The following NF1 variants were observed in gnomAD, a reference collection of about 807,000 sequenced individuals.
NF1 encodes the protein neurofibromin 1, also known as neurofibromin.
A neutral mutation model predicts 325.7 loss-of-function variants in NF1; 122 were observed. The observed-to-expected ratio is 0.37, with a 90% CI of 0.32 to 0.44. NF1 has a LOEUF of 0.44. Ranked by LOEUF, NF1 falls within the 20% of genes least tolerant of loss-of-function variation. NF1 has a pLI of 1.00. For synonymous variants in NF1, 1,091 were observed against 1,186.0 expected (o/e 0.92, Z 1.65); for missense variants, 2,140 against 3,415.4 (o/e 0.63, Z 9.31).
chr17:31,352,317 C>A lies in NF1; in HGVS notation c.7518C>A (p.Ala2506=). The A allele has an allele frequency of 2.5e-6, 4 of 1,614,088 alleles. 1 individual carries two copies. The South Asian group carries it at 4.4e-5, about 18-fold the overall frequency. ...AAGGTTCTGAAGGATACCTTGCAGC[C>A]ACCTATCCAACTGTCGGCCAGACCA... ...SPKGSEGYLA[A]TYPTVGQTSP... The change falls in exon 51 of 58, where the codon GCC becomes GCA. Residue 2506 remains alanine, a synonymous_variant. Transcript: ENST00000358273.
At chr17:31,190,535 T>G (rs954815419) in intron 8 of NF1, among the ~76,000 whole-genome samples, 12 of 152,240 alleles carry the variant, frequency 7.9e-5, no homozygotes, top group African/African-American at 1.2e-4. Flanking sequence ...CTTTCAGTAT[T>G]AGGTAACATT....
chr17:31,248,879 A>G, intron 29 of NF1, 105 bp from the exon 30 acceptor site: 1 of 1,043,386 alleles, frequency 9.6e-7, no homozygotes, highest in Non-Finnish European at 1.4e-6. Flanking sequence ...TGAAGTCTAC[A>G]CGTTGCACTT....
chr17:31,286,126 G>T (rs2068222534), intron 36 of NF1, among the ~76,000 whole-genome samples: 1 of 152,030 alleles, frequency 6.6e-6, no homozygotes, highest in South Asian at 2.1e-4. Flanking sequence ...ATGGAGTCTT[G>T]CTCTGTTGCC....
At chr17:31,356,624 G>A in intron 52 of NF1, 42 bp downstream of exon 52, 1 of 1,610,974 alleles carries the variant, frequency 6.2e-7, no homozygotes, top group Non-Finnish European at 8.5e-7. Context: ...AAAATAAGGT[G>A]GGAGAGTACA....
chr17:31,280,980 A>G (rs1467748968), intron 36 of NF1, among the ~76,000 whole-genome samples: 1 of 152,184 alleles, frequency 6.6e-6, no homozygotes, highest in Non-Finnish European at 1.5e-5. Context: ...AAAAGGCAAC[A>G]GTAAAAGGAA....
chr17:31,121,514 T>C (rs1198790526), intron 1 of NF1, among the ~76,000 whole-genome samples: 1 of 151,374 alleles, frequency 6.6e-6, no homozygotes, highest in Non-Finnish European at 1.5e-5. Context: ...CATTCTCCTG[T>C]CTCAGCCTCC....
rs991237227 is a variant in NF1, at chr17:31,258,373, C to T, written c.4203C>T (p.Ser1401=). ...TTAGCCAGCGTTTCCCTCAGAACAGCATCGGTGCAGTAGGAAGTGCCATGT... is the reference window on the plus strand; with the variant it reads ...TTAGCCAGCGTTTCCCTCAGAACAGTATCGGTGCAGTAGGAAGTGCCATGT... ...SVVSQRFPQN[S]IGAVGSAMFL... is the part of the protein sequence containing the mutation. Residue 1401 remains serine, a synonymous_variant, in exon 32 of 58, where the codon AGC becomes AGT. Coordinates refer to ENST00000358273, the MANE Select transcript of NF1 (RefSeq NM_001042492.3). 2 of 1,613,784 alleles carry T rather than the reference C, an allele frequency of 1.2e-6. No individual in the cohort carries two copies. The highest frequency in any genetic ancestry group is 1.6e-4 in the Middle Eastern group (1 of 6,082).
chr17:31,359,243 A>G lies in NF1; in HGVS notation c.8160+228A>G, dbSNP rs1037962871. 2.8e-4 allele frequency: 148 copies of G among 521,114 alleles called. No homozygotes were observed. In the Admixed American group the frequency reaches 2.9e-3, roughly 10 times the overall value. 32.3% of individuals were successfully genotyped at this position (521,114 alleles called of 1,614,324 possible). A position where few individuals can be genotyped will look rare whatever the true frequency, so the allele number is the denominator to read the frequency against. ...TACAAACAAAGTCAACTTATGATCA[A>G]TTTTTCAGAAGAGTATGATAAACCT... On this transcript the variant is annotated intron_variant, in intron 56 of 57. Transcript: ENST00000358273.
chr17:31,247,395 G>A (rs1001090398), intron 29 of NF1, among the ~76,000 whole-genome samples: 1 of 152,124 alleles, frequency 6.6e-6, no homozygotes, highest in Non-Finnish European at 1.5e-5. Context: ...TACCAGTGGG[G>A]AGGGGACATC....
At chr17:31,250,247 A>T (rs910586582) in intron 30 of NF1, 1 of 307,254 alleles carries the variant, frequency 3.3e-6, no homozygotes. Flanking sequence ...CAACTAGTTA[A>T]GTCTGAGTCT....
At chr17:31,358,192 C>T (rs1392541098) in intron 54 of NF1, 2 of 453,542 alleles carry the variant, frequency 4.4e-6, no homozygotes, top group Admixed American at 7.0e-5. Flanking sequence ...TTGTCTTAAG[C>T]AAACATTTAC....
intron 36 of NF1, among the ~76,000 whole-genome samples, chr17:31,307,192 T>G (rs1326849064): frequency 6.6e-6 from 1 of 151,578 alleles, no homozygotes; most frequent in Non-Finnish European, 1.5e-5. Flanking sequence ...TGGCCTATTT[T>G]TGTATTTTTA....
At chr17:31,237,219 A>C (rs1019701274) in intron 29 of NF1, among the ~76,000 whole-genome samples, 3 of 152,208 alleles carry the variant, frequency 2.0e-5, no homozygotes, top group Non-Finnish European at 2.9e-5. Flanking sequence ...GAACTCCAGC[A>C]CTAAGCCAAT....
intron 36 of NF1, among the ~76,000 whole-genome samples, chr17:31,268,506 A>G (rs973578184): frequency 4.0e-5 from 6 of 151,730 alleles, no homozygotes; most frequent in Non-Finnish European, 7.4e-5. Flanking sequence ...ACGTGGCTGT[A>G]GTCCCAGCTA....
chr17:31,155,187 T>G (rs1429720893), intron 1 of NF1, among the ~76,000 whole-genome samples: 1 of 152,204 alleles, frequency 6.6e-6, no homozygotes, highest in African/African-American at 2.4e-5. Context: ...ATTGCTAGGT[T>G]TCTCTGTTAG....
At chr17:31,221,784 T>C (rs2066925203) in intron 14 of NF1, 66 bp from the exon 15 acceptor site, 2 of 1,050,676 alleles carry the variant, frequency 1.9e-6, no homozygotes, top group Admixed American at 1.7e-5. Context: ...AGTACTCCAG[T>C]GTTATGTTTA....
At chr17:31,177,112 C>T (rs959810148) in intron 5 of NF1, among the ~76,000 whole-genome samples, 1 of 152,126 alleles carries the variant, frequency 6.6e-6, no homozygotes, top group Non-Finnish European at 1.5e-5. Context: ...GCCATTTTCA[C>T]GATATTGATT....
rs2067196056 is a variant in NF1, at chr17:31,236,031, C to T, written c.3974+10C>T. 6.3e-7 allele frequency: 1 copy of T among 1,587,676 alleles called. No individual in the cohort carries two copies. The highest frequency in any genetic ancestry group is 8.6e-7 in the Non-Finnish European group (1 of 1,161,680). ...AAGTGGATCCTACCAGGTTTGTCAT[C>T]TTTTCACATAGAACCGCTGTTTTTT... On this transcript the variant is annotated intron_variant, in intron 29 of 57. Coordinates refer to ENST00000358273, the MANE Select transcript of NF1 (RefSeq NM_001042492.3).
At position 31,357,463 on chromosome 17, in the gene NF1, A is replaced by G; in HGVS notation, c.7970+94A>G. On this transcript the variant is annotated intron_variant, in intron 54 of 57. Transcript: ENST00000358273. Reference sequence around the variant, plus strand: ...GTGCACTGGTTGCAAAGAGGGCAAAATGAGATATTGTGATAGTGATTTTAG... The same window carrying G: ...GTGCACTGGTTGCAAAGAGGGCAAAGTGAGATATTGTGATAGTGATTTTAG... 4 of 953,188 alleles carry G rather than the reference A, an allele frequency of 4.2e-6. No individual in the cohort carries two copies. The South Asian group carries it at 5.3e-5, about 13-fold the overall frequency. 59.0% of individuals were successfully genotyped at this position (953,188 alleles called of 1,614,324 possible). A position where few individuals can be genotyped will look rare whatever the true frequency, so the allele number is the denominator to read the frequency against.
Sources: gnomAD v4.1 joint callset for allele counts (sites outside exome capture counted in the v4.1 genomes callset) on GRCh38, gnomAD v4.1.1 for gene constraint, MANE v1.5 for transcripts, NCBI Gene and HGNC (gene_info 2026-07-23, HGNC 2026-07-21) for gene names.